The following ACSL1 variants were observed in gnomAD, a reference collection of about 807,000 sequenced individuals.
The protein encoded by ACSL1 is long-chain-fatty-acid--CoA ligase 1.
A neutral mutation model predicts 98.4 loss-of-function variants in ACSL1; 41 were observed. That is an observed-to-expected ratio of 0.42 (90% CI 0.32 to 0.54). The LOEUF is 0.54. ACSL1 is among the 20% of genes least tolerant of loss of function. ACSL1 has a pLI of 0.13. For synonymous variants in ACSL1, 316 were observed against 322.7 expected, an observed-to-expected ratio of 0.98 and a Z score of 0.22; for missense variants, 734 against 883.1, an observed-to-expected ratio of 0.83 and a Z score of 2.14.
At chr4:184,786,424 A>ATG (rs1561210962) in intron 3 of ACSL1, among the ~76,000 whole-genome samples, 7 of 99,256 alleles carry the variant, frequency 7.1e-5, no homozygotes, top group Non-Finnish European at 1.8e-4. Context: ...CAAAGCACAC[A>ATG]CACACACACA....
intron 1 of ACSL1, chr4:184,812,290 A>G: frequency 1.1e-6 from 1 of 937,174 alleles, no homozygotes; most frequent in East Asian, 1.2e-4. Flanking sequence ...ACAAACATCT[A>G]CTGAGTCATG....
rs770417831 is a variant in ACSL1, at chr4:184,757,189, C to T, written c.2033G>A (p.Arg678Lys). The T allele has an allele frequency of 6.2e-7, 1 of 1,610,482 alleles. No homozygotes were observed. Among genetic ancestry groups the T allele is most frequent in the Non-Finnish European group, 8.5e-7 (1 of 1,176,940 alleles). The change falls in exon 21 of 21, where the codon AGG becomes AAG. Residue 678 changes from arginine (R) to lysine (K), a missense_variant. Physicochemically the swap from Arg to Lys is conservative, Grantham distance 26. Coordinates refer to ENST00000281455, the MANE Select transcript of ACSL1 (RefSeq NM_001995.5). This position sits in a 1 kb window ranked among gnomAD's most constrained non-coding sequence, Gnocchi z 4.5. ...CCTGAAATAGTTCCGCAGCTCTGGC[C>T]TTTTCGCCTTCATTGTTGGAGTCAG... ...GLLTPTMKAK[R>K]PELRNYFRSQ...
chr4:184,822,915 G>A (rs919218096), intron 1 of ACSL1, among the ~76,000 whole-genome samples: 17 of 152,048 alleles, frequency 1.1e-4, no homozygotes, highest in African/African-American at 3.6e-4. Context: ...TCTTAGAGTC[G>A]CTGCCACAAA....
At chr4:184,819,353 G>C (rs761149988) in intron 1 of ACSL1, among the ~76,000 whole-genome samples, 6 of 151,934 alleles carry the variant, frequency 3.9e-5, no homozygotes, top group Non-Finnish European at 1.5e-5. Flanking sequence ...ATGTTGTCCA[G>C]GCTGGTCTCG....
intron 1 of ACSL1, among the ~76,000 whole-genome samples, chr4:184,823,928 C>T (rs1404468658): frequency 6.6e-6 from 1 of 152,200 alleles, no homozygotes; most frequent in Admixed American, 6.5e-5. Context: ...GAAAACTCTA[C>T]CTGCATGGTA....
At chr4:184,812,352 G>T in intron 1 of ACSL1, 1 of 421,538 alleles carries the variant, frequency 2.4e-6, no homozygotes. Context: ...TTCTGACTGT[G>T]TCTCTGCAGC....
chr4:184,764,171 G>C (rs1468073555), intron 15 of ACSL1, among the ~76,000 whole-genome samples: 1 of 152,180 alleles, frequency 6.6e-6, no homozygotes, highest in East Asian at 1.9e-4. Flanking sequence ...GTCAGGCCGG[G>C]GTTGAAATCC....
chr4:184,757,268 G>T lies in ACSL1; in HGVS notation c.1957-3C>A. The T allele has an allele frequency of 6.3e-7, 1 of 1,588,340 alleles. No homozygotes were observed. The highest frequency in any genetic ancestry group is 8.6e-7 in the Non-Finnish European group (1 of 1,160,966). ...GGGTGCAATGTGATGCCTTTGACCT[G>T]CCAATAAACAAGGCAGTTAAAAGAG... is the stretch of plus-strand genomic sequence containing the variant. On this transcript the variant is annotated splice_region_variant and splice_polypyrimidine_tract_variant and intron_variant, in intron 20 of 20. Transcript: ENST00000281455. The surrounding 1 kb of genome is among the most constrained non-coding windows in gnomAD (Gnocchi z 4.5).
At chr4:184,802,365 G>C (rs1458876465) in intron 2 of ACSL1, among the ~76,000 whole-genome samples, 1 of 152,130 alleles carries the variant, frequency 6.6e-6, no homozygotes, top group African/African-American at 2.4e-5. Context: ...AGTCAGCCCG[G>C]GGGGGTGGGG....
At chr4:184,779,408 A>G (rs574685487) in intron 5 of ACSL1, among the ~76,000 whole-genome samples, 2 of 152,286 alleles carry the variant, frequency 1.3e-5, no homozygotes, top group South Asian at 2.1e-4. Context: ...TGAAACTGCA[A>G]GTCCAATTAA....
At chr4:184,812,281 C>T in intron 1 of ACSL1, 6 of 953,916 alleles carry the variant, frequency 6.3e-6, no homozygotes, top group Non-Finnish European at 7.5e-6. Context: ...AGGTGCTTAA[C>T]AAACATCTAC....
chr4:184,802,312 C>T (rs901494151), intron 2 of ACSL1, among the ~76,000 whole-genome samples: 1 of 152,136 alleles, frequency 6.6e-6, no homozygotes, highest in Non-Finnish European at 1.5e-5. Flanking sequence ...ATGCTGACTC[C>T]AGCCAGGGCT....
intron 12 of ACSL1, among the ~76,000 whole-genome samples, chr4:184,767,647 T>G (rs1363503028): frequency 6.6e-6 from 1 of 152,232 alleles, no homozygotes; most frequent in Non-Finnish European, 1.5e-5. Context: ...ATACAGAGTA[T>G]TATATGTTGA....
chr4:184,810,687 G>T (rs560896136), intron 1 of ACSL1, among the ~76,000 whole-genome samples: 1 of 152,208 alleles, frequency 6.6e-6, no homozygotes, highest in African/African-American at 2.4e-5. Context: ...TCGCACTTTC[G>T]CACATTAATC....
chr4:184,807,671 C>T (rs149440639), intron 1 of ACSL1, among the ~76,000 whole-genome samples: 12 of 152,304 alleles, frequency 7.9e-5, no homozygotes, highest in Admixed American at 3.3e-4. Flanking sequence ...TCCTGGTACC[C>T]GTCTACCCAA....
chr4:184,763,183 G>A lies in ACSL1; in HGVS notation c.1505C>T (p.Ala502Val). Residue 502 changes from alanine (A) to valine (V), a missense_variant, in exon 16 of 21, where the codon GCC becomes GTC. Coordinates refer to ENST00000281455, the MANE Select transcript of ACSL1 (RefSeq NM_001995.5). ...TTCACTCACCTCGCCCTCGCCCTCG[G>A]CAGCCATGTAATTCATTTCTTCCAC... ...VDVEEMNYMA[A>V]EGEGEVCVKG... The A allele has an allele frequency of 6.2e-7, 1 of 1,613,870 alleles. No homozygotes were observed.
rs1325515652 is a variant in ACSL1 at position 184,766,783 on chromosome 4, T to C, written c.1129-27A>G. ...TAATGAGGCAAGACATGAGAAAGTT[T>C]TCACACCTACTAGGATGGCCAGAGT... On this transcript the variant is annotated intron_variant, in intron 12 of 20. Transcript: ENST00000281455. The surrounding 1 kb of genome is among the most constrained non-coding windows in gnomAD (Gnocchi z 4.8). 1 of 1,601,808 alleles carries C rather than the reference T, an allele frequency of 6.2e-7. No homozygotes were observed. Among genetic ancestry groups the C allele is most frequent in the Non-Finnish European group, 8.5e-7 (1 of 1,170,450 alleles).
intron 1 of ACSL1, among the ~76,000 whole-genome samples, chr4:184,819,615 T>C (rs189503470): frequency 1.3e-5 from 2 of 152,204 alleles, no homozygotes; most frequent in East Asian, 1.9e-4. Context: ...ACAGACCCAT[T>C]AACCCCATGC....
At position 184,825,624 on chromosome 4, in the gene ACSL1, C is replaced by T. The variant is rs1313483158; in HGVS notation, c.-33+292G>A. Among the ~76,000 whole-genome samples the T allele has an allele frequency of 2.7e-5, 4 of 150,782 alleles. No homozygotes were observed. Among genetic ancestry groups the T allele is most frequent in the Non-Finnish European group, 4.4e-5 (3 of 67,532 alleles). On this transcript the variant is annotated intron_variant, in intron 1 of 20. Coordinates refer to ENST00000281455, the MANE Select transcript of ACSL1 (RefSeq NM_001995.5). This position sits in a 1 kb window ranked among gnomAD's most constrained non-coding sequence, Gnocchi z 4.7. Reference sequence around the variant, plus strand: ...CCGCCGCACACACAAGGGTCGGTCCCGCGCGCATCCCCGGCCGCGCACCAG... The same window carrying T: ...CCGCCGCACACACAAGGGTCGGTCCTGCGCGCATCCCCGGCCGCGCACCAG...
Sources: gnomAD v4.1 joint callset for allele counts (sites outside exome capture counted in the v4.1 genomes callset) on GRCh38, gnomAD v4.1.1 for gene constraint, Gnocchi (gnomAD v3.1) non-coding constraint, MANE v1.5 for transcripts, NCBI Gene and HGNC (gene_info 2026-07-23, HGNC 2026-07-21) for gene names.